Variants in PCDHGB2 observed in about 807,000 individuals in gnomAD.
PCDHGB2 encodes protocadherin gamma subfamily B, 2, also known as protocadherin gamma-B2.
In PCDHGB2, 55 loss-of-function variants were observed where a neutral mutation model predicts 59.3. The ratio of observed to expected loss-of-function variants is 0.93; its 90% CI spans 0.75 to 1.16. The LOEUF (loss-of-function observed/expected upper bound fraction) is 1.16. Among genes scored for constraint, PCDHGB2 ranks in the 50% most tolerant of loss-of-function variants. PCDHGB2 has a pLI of 0.00. For synonymous variants in PCDHGB2, 516 were observed against 512.0 expected, an observed-to-expected ratio of 1.01 and a Z score of -0.11; for missense variants, 1,228 against 1,198.5, an observed-to-expected ratio of 1.02 and a Z score of -0.36.
intron 1 of PCDHGB2, chr5:141,441,986 C>A (rs2098288559): frequency 1.1e-5 from 3 of 269,098 alleles, no homozygotes; most frequent in South Asian, 7.5e-5. Context: ...GAATGCGCAC[C>A]GACGAGGTGC....
chr5:141,401,822 C>T (rs1340105226), intron 1 of PCDHGB2, among the ~76,000 whole-genome samples: 1 of 152,188 alleles, frequency 6.6e-6, no homozygotes, highest in Non-Finnish European at 1.5e-5. Flanking sequence ...TTACAAAGTG[C>T]TGAGATTTCT....
At position 141,511,410 on chromosome 5, in the gene PCDHGB2, T is replaced by A; in HGVS notation, c.*237T>A. The stretch of plus-strand genomic sequence containing the variant: ...GGAACCCCCATCCAATCAACTGCTG[T>A]ACCCATGGGGGTAGTGGGGTTACTG... On this transcript the variant is annotated 3_prime_UTR_variant, in exon 4 of 4. Coordinates refer to ENST00000522605, the MANE Select transcript of PCDHGB2 (RefSeq NM_018923.3). 1 of 908,820 alleles carries A rather than the reference T, an allele frequency of 1.1e-6. No individual in the cohort carries two copies. The highest frequency in any genetic ancestry group is 1.6e-6 in the Non-Finnish European group (1 of 624,202). 56.3% of individuals were successfully genotyped at this position (908,820 alleles called of 1,614,324 possible). A position where few individuals can be genotyped will look rare whatever the true frequency, so the allele number is the denominator to read the frequency against.
intron 1 of PCDHGB2, chr5:141,419,395 G>A: frequency 6.2e-7 from 1 of 1,613,596 alleles, no homozygotes; most frequent in Non-Finnish European, 8.5e-7. Context: ...CGCAGAGCGG[G>A]GTGGTGTTCG....
In PCDHGB2 at chr5:141,392,907, C is replaced by T. The variant is rs746317747; in HGVS notation, c.2421+30351C>T. The T allele has an allele frequency of 5.6e-6, 9 of 1,613,824 alleles. No homozygotes were observed. In the East Asian group the frequency reaches 1.8e-4, roughly 32 times the overall value. On this transcript the variant is annotated intron_variant, in intron 1 of 3. Coordinates refer to ENST00000522605, the MANE Select transcript of PCDHGB2 (RefSeq NM_018923.3). Reference sequence around the variant, plus strand: ...GTGGGAAATCGGGAGGGGACAGATTCGCTACTCTGTGCCAGAAGAGACGGA... The same window carrying T: ...GTGGGAAATCGGGAGGGGACAGATTTGCTACTCTGTGCCAGAAGAGACGGA...
intron 2 of PCDHGB2, among the ~76,000 whole-genome samples, chr5:141,497,264 A>G (rs2154592078): frequency 6.6e-6 from 1 of 152,258 alleles, no homozygotes; most frequent in East Asian, 1.9e-4. Flanking sequence ...GAGAAGTTCT[A>G]GGCCATTTAT....
chr5:141,478,497 CGGTGTTCTATAGGCA>C, intron 1 of PCDHGB2: 1 of 1,612,820 alleles, frequency 6.2e-7, no homozygotes, highest in South Asian at 1.1e-5. Flanking sequence ...AGCTGTGATC[CGGTGTTCTATAGGCA>C]GGTGTTGGGT....
rs779732249 is a variant in PCDHGB2, at chr5:141,361,274, GAGA to G, written c.1142_1144del (p.Glu381del). 2.5e-6 allele frequency: 4 copies of G among 1,613,962 alleles called. No individual in the cohort carries two copies. In the African/African-American group the frequency reaches 5.3e-5, roughly 22 times the overall value. On this transcript the variant is annotated inframe_deletion, in exon 1 of 4. Transcript: ENST00000522605. ...AGAGACAGAGACTCTGGAGAAAATG[GAGA>G]AGTTTACTGCCAAGTGTTGGGAAAT...
chr5:141,408,404 G>C lies in PCDHGB2; in HGVS notation c.2421+45848G>C, dbSNP rs372659902. ...GGATGTGTCGGCTCGCAAGCTGCGAGTGAGCGCGGAGAAGCTGCACTTCAG... is the reference window on the plus strand; with the variant it reads ...GGATGTGTCGGCTCGCAAGCTGCGACTGAGCGCGGAGAAGCTGCACTTCAG... On this transcript the variant is annotated intron_variant, in intron 1 of 3. Transcript: ENST00000522605. 6.2e-4 allele frequency: 1,002 copies of C among 1,614,072 alleles called. 1 individual carries two copies. The highest frequency in any genetic ancestry group is 8.3e-4 in the Non-Finnish European group (980 of 1,179,896).
intron 1 of PCDHGB2, chr5:141,441,629 G>T: frequency 4.5e-6 from 1 of 224,156 alleles, no homozygotes; most frequent in Non-Finnish European, 9.0e-6. Flanking sequence ...GTGACCTGGA[G>T]CCACAGGCGC....
rs1184232947 is a variant in PCDHGB2 at position 141,487,060 on chromosome 5, G to T, written c.2422-7747G>T. ...TCTCTCGATATGCTGGGGAGGTGCG[G>T]ACGGCTGTTCCTATCCCAGCTGACC... On this transcript the variant is annotated intron_variant, in intron 1 of 3. Transcript: ENST00000522605. This position sits in a 1 kb window ranked among gnomAD's most constrained non-coding sequence, Gnocchi z 5.0. The T allele has an allele frequency of 1.9e-6, 3 of 1,614,182 alleles. No individual in the cohort carries two copies. In the East Asian group the frequency reaches 6.7e-5, roughly 36 times the overall value.
At chr5:141,421,271 T>G in intron 1 of PCDHGB2, 1 of 1,612,330 alleles carries the variant, frequency 6.2e-7, no homozygotes, top group Non-Finnish European at 8.5e-7. Context: ...CGGCTGCTGC[T>G]GCTGCTGTGC....
intron 1 of PCDHGB2, chr5:141,376,398 A>C (rs1266114748): frequency 6.2e-7 from 1 of 1,614,080 alleles, no homozygotes; most frequent in Admixed American, 1.7e-5. Context: ...ATTTTCCCCC[A>C]GCCCAACTAT....
chr5:141,393,534 G>T, intron 1 of PCDHGB2: 1 of 1,613,928 alleles, frequency 6.2e-7, no homozygotes, highest in Non-Finnish European at 8.5e-7. Context: ...CAATGCCCCG[G>T]TTTTTCCTCA....
chr5:141,421,834 CGA>C lies in PCDHGB2; in HGVS notation c.2421+59283_2421+59284del, dbSNP rs763631483. The C allele has an allele frequency of 2.1e-5, 34 of 1,613,630 alleles. No homozygotes were observed. The Admixed American group carries it at 5.5e-4, about 26-fold the overall frequency. ...GCTAGTACTGGAGGGAAGCCTGGAC[CGA>C]GAGAAAGAGGCTGCTCACCTGCTCC... On this transcript the variant is annotated intron_variant, in intron 1 of 3. Transcript: ENST00000522605.
At chr5:141,425,209 A>G (rs2096861765) in intron 1 of PCDHGB2, among the ~76,000 whole-genome samples, 1 of 152,180 alleles carries the variant, frequency 6.6e-6, no homozygotes, top group African/African-American at 2.4e-5. Context: ...GATGTAAGGC[A>G]TTGTACTTTG....
chr5:141,428,013 C>T, intron 1 of PCDHGB2: 4 of 1,603,660 alleles, frequency 2.5e-6, no homozygotes, highest in Non-Finnish European at 3.4e-6. Flanking sequence ...CGATATAGTG[C>T]CACGCGCCGC....
intron 1 of PCDHGB2, chr5:141,427,830 C>T (rs749612858): frequency 7.8e-6 from 12 of 1,538,204 alleles, no homozygotes; most frequent in African/African-American, 1.4e-5. Flanking sequence ...GGTCGCGCAG[C>T]GTGCCTTCGA....
intron 1 of PCDHGB2, chr5:141,372,480 T>A (rs777083908): frequency 1.2e-5 from 19 of 1,613,928 alleles, no homozygotes; most frequent in Non-Finnish European, 1.6e-5. Flanking sequence ...AGTAGTGGCG[T>A]TGGCCTTGAT....
At chr5:141,393,363 A>T (rs1464639963) in intron 1 of PCDHGB2, 1 of 1,613,930 alleles carries the variant, frequency 6.2e-7, no homozygotes, top group South Asian at 1.1e-5. Flanking sequence ...GGACGTGCAG[A>T]CTGGAGACAA....
Sources: allele counts gnomAD v4.1 joint callset (sites outside exome capture counted in the v4.1 genomes callset), GRCh38; gene constraint gnomAD v4.1.1; non-coding constraint Gnocchi (gnomAD v3.1); transcripts MANE v1.5; gene names NCBI Gene and HGNC (gene_info 2026-07-23, HGNC 2026-07-21).